ARHGAP26: variants seen among roughly 807,000 people sequenced by gnomAD.
The protein encoded by ARHGAP26 is rho GTPase-activating protein 26.
A neutral mutation model predicts 104.8 loss-of-function variants in ARHGAP26; 38 were observed. That is an observed-to-expected ratio of 0.36 (90% CI 0.28 to 0.48). The LOEUF is 0.48. Ranked by LOEUF, ARHGAP26 falls within the 20% of genes least tolerant of loss-of-function variation. The pLI, the probability that ARHGAP26 is intolerant of heterozygous loss-of-function variation, is 0.99. For missense variants in ARHGAP26, 704 were observed against 947.9 expected (o/e 0.74, Z 3.38); for synonymous variants, 341 against 340.0 (o/e 1.00, Z -0.03).
chr5:142,978,815 A>G (rs1773512542), intron 11 of ARHGAP26, among the ~76,000 whole-genome samples: 1 of 151,556 alleles, frequency 6.6e-6, no homozygotes, highest in South Asian at 2.1e-4. Context: ...AATATAAAGA[A>G]GCATAATGGA....
rs1469300681 is a variant in ARHGAP26, at chr5:142,871,227, G to A, written c.155-2173G>A. On this transcript the variant is annotated intron_variant, in intron 1 of 22. Transcript: ENST00000645722. The surrounding 1 kb of genome is among the most constrained non-coding windows in gnomAD (Gnocchi z 4.1). ...GACAAGGAAATCAGGTCACCTGCTG[G>A]TCATAAGCTAACAGGCCCTGCCCTG... 2.0e-5 allele frequency among the ~76,000 whole-genome samples: 3 copies of A among 152,184 alleles called. No individual in the cohort carries two copies. The highest frequency in any genetic ancestry group is 4.4e-5 in the Non-Finnish European group (3 of 68,034).
rs35921990 is a variant in ARHGAP26, at chr5:142,917,037, A to AT, written c.1028+3765dup. 4.9e-3 allele frequency among the ~76,000 whole-genome samples: 661 copies of AT among 135,404 alleles called. 1 individual carries two copies. Among genetic ancestry groups the AT allele is most frequent in the African/African-American group, 0.01 (372 of 35,826 alleles). 88.8% of individuals were successfully genotyped at this position (135,404 alleles called of 152,430 possible). On this transcript the variant is annotated intron_variant, in intron 10 of 22. Coordinates refer to ENST00000645722, the MANE Select transcript of ARHGAP26 (RefSeq NM_001135608.3). ...CACATTGGTGCCTCAAGACTTTGGA[A>AT]TTTTTTTTTTTTTTTTTTTTTAGAT...
intron 11 of ARHGAP26, among the ~76,000 whole-genome samples, chr5:142,985,578 C>A (rs1774581467): frequency 6.6e-6 from 1 of 151,546 alleles, no homozygotes; most frequent in East Asian, 1.9e-4. Context: ...CATATGTATA[C>A]ATGTGCCATG....
intron 17 of ARHGAP26, among the ~76,000 whole-genome samples, chr5:143,088,057 G>GTCT (rs1790855722): frequency 1.3e-5 from 2 of 152,118 alleles, no homozygotes. Context: ...CTGGGATGTG[G>GTCT]CACTTCTAAA....
At chr5:142,816,754 C>CA (rs1368827297) in intron 1 of ARHGAP26, among the ~76,000 whole-genome samples, 1 of 152,192 alleles carries the variant, frequency 6.6e-6, no homozygotes, top group Non-Finnish European at 1.5e-5. Flanking sequence ...CCTTCAGTGC[C>CA]AGGCAAGTCA....
intron 11 of ARHGAP26, among the ~76,000 whole-genome samples, chr5:143,006,320 T>C (rs1476583683): frequency 7.0e-6 from 1 of 142,258 alleles, no homozygotes; most frequent in Non-Finnish European, 1.5e-5. Context: ...TTTTTTCTTT[T>C]TTTTTTTTTT....
At chr5:143,155,033 T>G (rs1800307628) in intron 20 of ARHGAP26, among the ~76,000 whole-genome samples, 1 of 152,158 alleles carries the variant, frequency 6.6e-6, no homozygotes, top group African/African-American at 2.4e-5. Flanking sequence ...GAAGGATCTT[T>G]CCTTTTAGAT....
At chr5:143,142,070 T>A (rs1443769770) in intron 19 of ARHGAP26, among the ~76,000 whole-genome samples, 2 of 151,656 alleles carry the variant, frequency 1.3e-5, no homozygotes, top group African/African-American at 4.8e-5. Flanking sequence ...AGATAATCTG[T>A]CAAAGGTTTT....
At chr5:142,829,123 G>T (rs1204545453) in intron 1 of ARHGAP26, among the ~76,000 whole-genome samples, 1 of 152,198 alleles carries the variant, frequency 6.6e-6, no homozygotes, top group African/African-American at 2.4e-5. Flanking sequence ...ATAAGGAGAG[G>T]AGGCTTTGAG....
At chr5:142,992,853 C>A (rs1017147070) in intron 11 of ARHGAP26, among the ~76,000 whole-genome samples, 6 of 152,222 alleles carry the variant, frequency 3.9e-5, no homozygotes, top group African/African-American at 1.2e-4. Flanking sequence ...TCGCCTGATG[C>A]GGACTGCTTA....
intron 1 of ARHGAP26, among the ~76,000 whole-genome samples, chr5:142,809,892 T>A (rs75936527): frequency 0.017 from 2,569 of 152,342 alleles, 73 homozygotes; most frequent in African/African-American, 0.059. Context: ...ATGAATAAGA[T>A]AAGGCCCTTC....
At chr5:143,155,394 C>T (rs564112701) in intron 20 of ARHGAP26, among the ~76,000 whole-genome samples, 1 of 152,304 alleles carries the variant, frequency 6.6e-6, no homozygotes, top group South Asian at 2.1e-4. Flanking sequence ...TTTTCTCTTT[C>T]CCTAAGCAAG....
intron 20 of ARHGAP26, among the ~76,000 whole-genome samples, chr5:143,175,525 G>A (rs1803357938): frequency 6.6e-6 from 1 of 151,154 alleles, no homozygotes; most frequent in Non-Finnish European, 1.5e-5. Context: ...GTGTCTACTC[G>A]AAAAAAATGG....
intron 1 of ARHGAP26, among the ~76,000 whole-genome samples, chr5:142,788,743 A>G (rs759831987): frequency 2.0e-5 from 3 of 152,230 alleles, no homozygotes; most frequent in Non-Finnish European, 4.4e-5. Flanking sequence ...ATGCCATTTC[A>G]TATCAGGGAC....
intron 20 of ARHGAP26, chr5:143,166,097 G>A: frequency 2.3e-6 from 3 of 1,310,080 alleles, no homozygotes; most frequent in Non-Finnish European, 3.0e-6. Flanking sequence ...ATGGGCACAA[G>A]GTGAGAAGGG....
rs1169907117 is a variant in ARHGAP26, at chr5:143,223,118, T to A, written c.*672T>A. ...GTTTCTCCCTCCCAGGCTAGGAACC[T>A]CTCTGCCACCAAGGGCTGCCATCCA... On this transcript the variant is annotated 3_prime_UTR_variant, in exon 23 of 23. Coordinates refer to ENST00000645722, the MANE Select transcript of ARHGAP26 (RefSeq NM_001135608.3). The A allele has an allele frequency of 4.3e-6, 1 of 233,530 alleles. No homozygotes were observed. Among genetic ancestry groups the A allele is most frequent in the Non-Finnish European group, 8.5e-6 (1 of 118,008 alleles). 14.5% of individuals were successfully genotyped at this position (233,530 alleles called of 1,614,324 possible).
intron 17 of ARHGAP26, among the ~76,000 whole-genome samples, chr5:143,068,461 G>T (rs1787821424): frequency 6.6e-6 from 1 of 152,146 alleles, no homozygotes; most frequent in Non-Finnish European, 1.5e-5. Flanking sequence ...GTGCGACAGG[G>T]GAACCCAGTG....
chr5:142,893,703 A>G (rs912437953), intron 5 of ARHGAP26, among the ~76,000 whole-genome samples: 2 of 152,212 alleles, frequency 1.3e-5, no homozygotes, highest in African/African-American at 4.8e-5. Flanking sequence ...GTACTAATTT[A>G]CATTCCCACC....
chr5:142,860,844 T>C (rs752723145), intron 1 of ARHGAP26, among the ~76,000 whole-genome samples: 1 of 152,186 alleles, frequency 6.6e-6, no homozygotes, highest in Non-Finnish European at 1.5e-5. Context: ...CCATTACTGG[T>C]ACTTAGTATT....
Sources: gnomAD v4.1 joint callset for allele counts (sites outside exome capture counted in the v4.1 genomes callset) on GRCh38, gnomAD v4.1.1 for gene constraint, Gnocchi (gnomAD v3.1) non-coding constraint, MANE v1.5 for transcripts, NCBI Gene and HGNC (gene_info 2026-07-23, HGNC 2026-07-21) for gene names.